The following DGKD variants were observed in gnomAD, a reference collection of about 807,000 sequenced individuals.
DGKD encodes the protein DAG kinase delta.
A neutral mutation model predicts 154.4 loss-of-function variants in DGKD; 68 were observed. The ratio of observed to expected loss-of-function variants is 0.44; its 90% CI spans 0.36 to 0.54. The LOEUF (loss-of-function observed/expected upper bound fraction) is 0.54. Ranked by LOEUF, DGKD falls within the 20% of genes least tolerant of loss-of-function variation. The pLI is 0.00. For missense variants in DGKD, 1,343 were observed against 1,593.6 expected (o/e 0.84, Z 2.68); for synonymous variants, 693 against 638.0 (o/e 1.09, Z -1.30).
chr2:233,458,625 T>C lies in DGKD; in HGVS notation c.2694+228T>C, dbSNP rs2063531607. ...TAACTCTTTTTAATTTTTTTTTTTT[T>C]TTTTGAGACAGAGTCTTGCTCTGTT... On this transcript the variant is annotated intron_variant, in intron 22 of 29. Transcript: ENST00000264057. This position sits in a 1 kb window ranked among gnomAD's most constrained non-coding sequence, Gnocchi z 6.6. Among the ~76,000 whole-genome samples the C allele has an allele frequency of 6.6e-6, 1 of 151,842 alleles. No homozygotes were observed. Among genetic ancestry groups the C allele is most frequent in the Non-Finnish European group, 1.5e-5 (1 of 67,886 alleles).
At position 233,448,308 on chromosome 2, in the gene DGKD, C is replaced by T; in HGVS notation, c.1547C>T (p.Ala516Val). The change falls in exon 14 of 30, where the codon GCA becomes GTA. Residue 516 changes from alanine (A) to valine (V), a missense_variant. This residue lies in a region of DGKD where 409 missense variants were observed against 446.0 expected (regional missense o/e 0.92). Coordinates refer to ENST00000264057, the MANE Select transcript of DGKD (RefSeq NM_152879.3). ...TGTGAGACGGTGAAGGACTTCGTGG[C>T]ACGGGTGGGGAAGGCCTATGAGAAG... ...VLCETVKDFV[A>V]RVGKAYEKTT... is the part of the protein sequence containing the mutation. 6.2e-7 allele frequency: 1 copy of T among 1,614,122 alleles called. No homozygotes were observed. The highest frequency in any genetic ancestry group is 8.5e-7 in the Non-Finnish European group (1 of 1,180,020).
chr2:233,471,467 T>C lies in DGKD; in HGVS notation c.*2007T>C, dbSNP rs2064013299. 1 of 152,340 alleles carries C rather than the reference T, an allele frequency of 6.6e-6. No homozygotes were observed. The highest frequency in any genetic ancestry group is 1.5e-5 in the Non-Finnish European group (1 of 68,060). The allele number at this position is 152,340 out of a possible 1,614,324, so 9.4% of individuals were successfully genotyped here. On this transcript the variant is annotated 3_prime_UTR_variant, in exon 30 of 30. Coordinates refer to ENST00000264057, the MANE Select transcript of DGKD (RefSeq NM_152879.3). ...GTCCCTGCATGACCATTGGCCCTGC[T>C]GGCCTGGCGATGTGGGCATCCTGGG...
chr2:233,436,071 G>T, intron 6 of DGKD, 147 bp downstream of exon 6: 1 of 1,045,486 alleles, frequency 9.6e-7, no homozygotes, highest in Middle Eastern at 2.8e-4. Context: ...AATTATATGC[G>T]GTCTCCGTGT....
intron 1 of DGKD, among the ~76,000 whole-genome samples, chr2:233,368,298 T>C (rs1046086073): frequency 6.6e-6 from 1 of 152,004 alleles, no homozygotes; most frequent in Non-Finnish European, 1.5e-5. Flanking sequence ...TCACTTGAGG[T>C]CAGGAGTTCG....
intron 3 of DGKD, among the ~76,000 whole-genome samples, chr2:233,423,244 G>A (rs1329699096): frequency 6.6e-6 from 1 of 151,970 alleles, no homozygotes; most frequent in African/African-American, 2.4e-5. Flanking sequence ...GTGCAAACAT[G>A]AATCTCCATT....
rs191623133 is a variant in DGKD at position 233,405,308 on chromosome 2, C to T, written c.348+14825C>T. Among the ~76,000 whole-genome samples, 678 of 152,192 alleles carry T rather than the reference C, an allele frequency of 4.5e-3. 6 individuals are homozygous for T. The highest frequency in any genetic ancestry group is 0.015 in the African/African-American group (629 of 41,540). The stretch of plus-strand genomic sequence containing the variant: ...CCAAGGCGGGCAGATCACCTGAGGT[C>T]GGGAGTTTGAGATCAGCCTGATCAA... On this transcript the variant is annotated intron_variant, in intron 3 of 29. Coordinates refer to ENST00000264057, the MANE Select transcript of DGKD (RefSeq NM_152879.3).
At chr2:233,386,634 T>A (rs751335704) in intron 1 of DGKD, among the ~76,000 whole-genome samples, 1 of 152,100 alleles carries the variant, frequency 6.6e-6, no homozygotes, top group Non-Finnish European at 1.5e-5. Flanking sequence ...GGCTCCTCTC[T>A]TTTTCCTTCC....
chr2:233,430,258 C>G (rs772767766), intron 3 of DGKD, among the ~76,000 whole-genome samples: 3 of 152,282 alleles, frequency 2.0e-5, no homozygotes, highest in Non-Finnish European at 4.4e-5. Flanking sequence ...CTGGTAAAAA[C>G]AGGAAAAGAT....
In DGKD at chr2:233,434,484, G is replaced by A. The variant is rs1362273493; in HGVS notation, c.453G>A (p.Glu151=). The change falls in exon 4 of 30, where the codon GAG becomes GAA. Residue 151 remains glutamate, a splice_region_variant and synonymous_variant. Coordinates refer to ENST00000264057, the MANE Select transcript of DGKD (RefSeq NM_152879.3). The part of the protein sequence containing the change: ...LKTVQNREHF[E]PTQYSMDHFS... ...CTGTGCAGAACAGGGAGCACTTTGA[G>A]GTTAAAAAAGAAAATACCCTTCTCC... 1.2e-6 allele frequency: 2 copies of A among 1,613,656 alleles called. No individual in the cohort carries two copies. Among genetic ancestry groups the A allele is most frequent in the Non-Finnish European group, 8.5e-7 (1 of 1,179,708 alleles).
At chr2:233,450,665 G>A (rs945338737) in intron 16 of DGKD, among the ~76,000 whole-genome samples, 7 of 152,040 alleles carry the variant, frequency 4.6e-5, no homozygotes, top group Non-Finnish European at 8.8e-5. Flanking sequence ...CCCACAGCCC[G>A]GACTGACTGG....
chr2:233,449,557 C>T lies in DGKD; in HGVS notation c.1888+181C>T, dbSNP rs2063200660. On this transcript the variant is annotated intron_variant, in intron 15 of 29. Transcript: ENST00000264057. The surrounding 1 kb of genome is among the most constrained non-coding windows in gnomAD (Gnocchi z 5.3). ...CGCTTGCCCTCCTTCCACCCCTCCT[C>T]TCACACCCTCAGACCCCTTCATGCT... 6.6e-6 allele frequency among the ~76,000 whole-genome samples: 1 copy of T among 152,224 alleles called. No individual in the cohort carries two copies. The highest frequency in any genetic ancestry group is 1.9e-4 in the East Asian group (1 of 5,186).
chr2:233,379,238 A>T (rs1325293852), intron 1 of DGKD, among the ~76,000 whole-genome samples: 1 of 152,116 alleles, frequency 6.6e-6, no homozygotes, highest in East Asian at 1.9e-4. Context: ...AGGTGGTGGT[A>T]TTTGACTTGG....
Position 233,462,414 on chromosome 2 carries a change from C to T in DGKD, c.3048C>T (p.Ser1016=), listed in dbSNP as rs2063676510. The change falls in exon 25 of 30, where the codon AGC becomes AGT. Residue 1016 remains serine, a synonymous_variant. Transcript: ENST00000264057. ...EQELAHAVNA[S]SKSMDRVYGK... ...AACTGGCCCACGCCGTCAATGCCAG[C>T]TCCAAGTCCATGGACCGTGTGTATG... 2 of 1,604,000 alleles carry T rather than the reference C, an allele frequency of 1.2e-6. No homozygotes were observed. The highest frequency in any genetic ancestry group is 2.7e-5 in the African/African-American group (2 of 74,796).
rs539991366 is a variant in DGKD at position 233,463,697 on chromosome 2, C to T, written c.3187-467C>T. On this transcript the variant is annotated intron_variant, in intron 26 of 29. Transcript: ENST00000264057. ...TCACTCCACGCATCACCTCACTCCA[C>T]GCATCACCTCACTCCACAGAAATCC... is the stretch of plus-strand genomic sequence containing the variant. 1.4e-5 allele frequency: 3 copies of T among 207,982 alleles called. No homozygotes were observed. The East Asian group carries it at 3.7e-4, about 26-fold the overall frequency. 12.9% of individuals were successfully genotyped at this position (207,982 alleles called of 1,614,324 possible).
At chr2:233,462,806 GCA>G in intron 26 of DGKD, 71 bp downstream of exon 26, 1 of 1,319,206 alleles carries the variant, frequency 7.6e-7, no homozygotes. Flanking sequence ...AGGTTGCTGG[GCA>G]CACAGGGCAG....
At chr2:233,446,890 C>T in intron 12 of DGKD, 94 bp downstream of exon 12, 18 of 1,430,670 alleles carry the variant, frequency 1.3e-5, no homozygotes, top group Non-Finnish European at 1.6e-5. Flanking sequence ...GCAGAGACGC[C>T]TCCCCTTTGG....
intron 3 of DGKD, among the ~76,000 whole-genome samples, chr2:233,396,497 C>T (rs1405651547): frequency 2.6e-5 from 4 of 151,916 alleles, no homozygotes; most frequent in Admixed American, 2.6e-4. Context: ...CTTATATTCT[C>T]GTGGGAGATC....
In DGKD at chr2:233,458,076, T is replaced by G. The variant is rs919878931; in HGVS notation, c.2581-208T>G. Among the ~76,000 whole-genome samples, 1 of 151,924 alleles carries G rather than the reference T, an allele frequency of 6.6e-6. No individual in the cohort carries two copies. The highest frequency in any genetic ancestry group is 1.5e-5 in the Non-Finnish European group (1 of 67,970). ...ATGAGGAAATGGGGGAGAGAGAGAT[T>G]CAGTAACTTTGCCGAGATGAGAGCT... On this transcript the variant is annotated intron_variant, in intron 21 of 29. Coordinates refer to ENST00000264057, the MANE Select transcript of DGKD (RefSeq NM_152879.3). The surrounding 1 kb of genome is among the most constrained non-coding windows in gnomAD (Gnocchi z 6.6).
In DGKD at chr2:233,441,918, C is replaced by T. The variant is rs1381673350; in HGVS notation, c.1117C>T (p.Arg373Trp). The change falls in exon 10 of 30, where the codon CGG becomes TGG. Residue 373 changes from arginine to tryptophan, a missense_variant. By Grantham distance (101) the Arg-to-Trp change is moderately radical. This residue lies in a region of DGKD where 56 missense variants were observed against 111.1 expected (regional missense o/e 0.50). Transcript: ENST00000264057. The surrounding 1 kb of genome is among the most constrained non-coding windows in gnomAD (Gnocchi z 5.6). ...LRLFQKFDTF[R>W]ILVCGGDGSV... is the part of the protein sequence containing the mutation. ...GTTATTCCAGAAGTTTGACACATTCCGGATTCTGGTTTGTGGCGGGGATGG... is the reference window on the plus strand; with the variant it reads ...GTTATTCCAGAAGTTTGACACATTCTGGATTCTGGTTTGTGGCGGGGATGG... The T allele has an allele frequency of 3.1e-6, 5 of 1,613,996 alleles. No individual in the cohort carries two copies. Among genetic ancestry groups the T allele is most frequent in the Non-Finnish European group, 3.4e-6 (4 of 1,179,998 alleles).
Sources: allele counts gnomAD v4.1 joint callset (sites outside exome capture counted in the v4.1 genomes callset), GRCh38; gene constraint gnomAD v4.1.1; regional missense constraint gnomAD v4.1.1; non-coding constraint Gnocchi (gnomAD v3.1); transcripts MANE v1.5; gene names NCBI Gene and HGNC (gene_info 2026-07-23, HGNC 2026-07-21).